CLNK: variants seen among roughly 807,000 people sequenced by gnomAD.
CLNK encodes cytokine dependent hematopoietic cell linker.
CLNK carries 74 observed loss-of-function variants against 68.6 expected under a neutral mutation model. That is an observed-to-expected ratio of 1.08 (90% CI 0.89 to 1.31). The LOEUF (loss-of-function observed/expected upper bound fraction) is 1.31, where lower values mean the gene tolerates loss of function less well. Ranked by LOEUF, CLNK falls within the 50% of genes most tolerant of loss-of-function variation. The probability of loss-of-function intolerance (pLI) is 0.00; values close to 1 mark genes in which losing one functional copy is unlikely to be tolerated. For synonymous variants in CLNK, 198 were observed against 172.2 expected, an observed-to-expected ratio of 1.15 and a Z score of -1.17; for missense variants, 553 against 515.3, an observed-to-expected ratio of 1.07 and a Z score of -0.71.
At chr4:10,610,033 G>GTTTTTTTTTTTTTTTTTTTTTT (rs71181047) in intron 2 of CLNK, among the ~76,000 whole-genome samples, 2 of 73,450 alleles carry the variant, frequency 2.7e-5, no homozygotes, top group Non-Finnish European at 4.8e-5. Flanking sequence ...ATGAATGCTC[G>GTTTTTTTTTTTTTTTTTTTTTT]TTTTTTTTTT....
intron 18 of CLNK, among the ~76,000 whole-genome samples, chr4:10,496,516 G>A (rs73226442): frequency 6.6e-6 from 1 of 152,176 alleles, no homozygotes; most frequent in Non-Finnish European, 1.5e-5. Flanking sequence ...CCTGTGAATT[G>A]TCATTTTTTA....
At chr4:10,719,005 A>G in the CLNK span, among the ~76,000 whole-genome samples, 1 of 152,142 alleles carries the variant, frequency 6.6e-6, no homozygotes, top group Non-Finnish European at 1.5e-5. Context: ...GCTAATACCT[A>G]GAGCAAGCAC....
At chr4:10,682,081 C>G (rs1230133605) in intron 1 of CLNK, among the ~76,000 whole-genome samples, 1 of 151,602 alleles carries the variant, frequency 6.6e-6, no homozygotes, top group Non-Finnish European at 1.5e-5. Context: ...ATAATAAACA[C>G]AAAAATTGGT....
At chr4:10,676,964 C>T (rs938837573) in intron 1 of CLNK, among the ~76,000 whole-genome samples, 6 of 139,558 alleles carry the variant, frequency 4.3e-5, no homozygotes, top group African/African-American at 1.6e-4. Context: ...TTTAAGTTTA[C>T]CTCTGTCTCG....
chr4:10,678,302 T>C lies in CLNK; in HGVS notation c.-43+6366A>G, dbSNP rs1724953025. 2.0e-5 allele frequency among the ~76,000 whole-genome samples: 3 copies of C among 152,088 alleles called. No individual in the cohort carries two copies. In the South Asian group the frequency reaches 6.2e-4, roughly 32 times the overall value. ...TCATAGGATTATTTTGAAGACCAAG[T>C]AAGATGATGAAAGTGAAAGCACTCT... On this transcript the variant is annotated intron_variant, in intron 1 of 18. Coordinates refer to ENST00000226951, the MANE Select transcript of CLNK (RefSeq NM_052964.4).
At chr4:10,731,031 A>G in the CLNK span, among the ~76,000 whole-genome samples, 1 of 152,242 alleles carries the variant, frequency 6.6e-6, no homozygotes, top group African/African-American at 2.4e-5. Flanking sequence ...AAATCAAGGT[A>G]TTTAAAATAT....
chr4:10,706,523 A>G, the CLNK span, among the ~76,000 whole-genome samples: 1 of 152,330 alleles, frequency 6.6e-6, no homozygotes. Context: ...ATCTCTGAAG[A>G]GACCCATATC....
chr4:10,524,586 G>A (rs754334072), intron 14 of CLNK, among the ~76,000 whole-genome samples: 1 of 152,144 alleles, frequency 6.6e-6, no homozygotes, highest in African/African-American at 2.4e-5. Flanking sequence ...AGGATTTATG[G>A]GCTGCATTTT....
chr4:10,559,626 T>C (rs958671952), intron 7 of CLNK, among the ~76,000 whole-genome samples: 1 of 152,090 alleles, frequency 6.6e-6, no homozygotes, highest in African/African-American at 2.4e-5. Flanking sequence ...GTCTCCGTCT[T>C]AGGTGGGATT....
chr4:10,727,426 C>T, the CLNK span, among the ~76,000 whole-genome samples: 1 of 152,222 alleles, frequency 6.6e-6, no homozygotes, highest in South Asian at 2.1e-4. Context: ...CATTCACTCA[C>T]TAGCTGTGTT....
At chr4:10,673,137 G>A (rs1724722010) in intron 1 of CLNK, among the ~76,000 whole-genome samples, 1 of 152,148 alleles carries the variant, frequency 6.6e-6, no homozygotes, top group Admixed American at 6.5e-5. Flanking sequence ...GTAAAGTCCA[G>A]GCTCTTGCAA....
chr4:10,508,710 C>A (rs928954382), intron 16 of CLNK, among the ~76,000 whole-genome samples: 3 of 152,114 alleles, frequency 2.0e-5, no homozygotes, highest in African/African-American at 7.2e-5. Context: ...CTATAAGGTC[C>A]TTCCTCATTT....
chr4:10,594,777 T>C (rs1721323724), intron 3 of CLNK, among the ~76,000 whole-genome samples: 1 of 152,146 alleles, frequency 6.6e-6, no homozygotes, highest in Non-Finnish European at 1.5e-5. Context: ...TACATATACA[T>C]ATACATAAGA....
intron 7 of CLNK, among the ~76,000 whole-genome samples, chr4:10,560,019 G>A (rs1043654711): frequency 6.6e-6 from 1 of 152,064 alleles, no homozygotes. Flanking sequence ...AAGTCCCCTG[G>A]GGGGCAAAAA....
At chr4:10,713,009 TA>T in the CLNK span, among the ~76,000 whole-genome samples, 43 of 152,280 alleles carry the variant, frequency 2.8e-4, no homozygotes, top group Admixed American at 2.1e-3. Context: ...AAGTTATGCT[TA>T]AAAAACGTAG....
At chr4:10,496,937 C>T (rs1187888044) in intron 18 of CLNK, among the ~76,000 whole-genome samples, 2 of 152,204 alleles carry the variant, frequency 1.3e-5, no homozygotes, top group Non-Finnish European at 2.9e-5. Context: ...CTATGGAGTG[C>T]ACTTTCATTT....
At chr4:10,585,004 C>T in intron 3 of CLNK, 49 bp from the exon 4 acceptor site, 2 of 1,600,404 alleles carry the variant, frequency 1.2e-6, no homozygotes, top group Non-Finnish European at 1.7e-6. Flanking sequence ...TCCACCTCCA[C>T]CGACCCCCCG....
chr4:10,540,419 T>G, intron 11 of CLNK, 75 bp downstream of exon 11: 2 of 1,113,310 alleles, frequency 1.8e-6, no homozygotes, highest in Non-Finnish European at 2.7e-6. Context: ...AGGTACTTTG[T>G]TTGGTTTCCC....
chr4:10,722,785 C>G, the CLNK span, among the ~76,000 whole-genome samples: 3 of 152,190 alleles, frequency 2.0e-5, no homozygotes, highest in Non-Finnish European at 4.4e-5. Context: ...CGTGGTGGCT[C>G]ACGCCTGTTA....
Sources: allele counts gnomAD v4.1 joint callset (sites outside exome capture counted in the v4.1 genomes callset), GRCh38; gene constraint gnomAD v4.1.1; transcripts MANE v1.5; gene names NCBI Gene and HGNC (gene_info 2026-07-23, HGNC 2026-07-21).